The following WDR7 variants were observed in gnomAD, a reference collection of about 807,000 sequenced individuals.
The protein encoded by WDR7 is WD repeat-containing protein 7.
Under a neutral mutation model 169.4 loss-of-function variants are expected in WDR7, and 46 were observed. That is an observed-to-expected ratio of 0.27 (90% CI 0.21 to 0.35). The LOEUF is 0.35. Among genes scored for constraint, WDR7 ranks in the 10% least tolerant of loss-of-function variants. The probability of loss-of-function intolerance (pLI) is 1.00; values close to 1 mark genes in which losing one functional copy is unlikely to be tolerated. For synonymous variants in WDR7, 612 were observed against 666.8 expected (o/e 0.92, Z 1.27); for missense variants, 1,534 against 1,859.3 (o/e 0.83, Z 3.22).
Position 56,705,954 on chromosome 18 carries a change from C to T in WDR7, c.1578+9492C>T, listed in dbSNP as rs575271574. Among the ~76,000 whole-genome samples, 8 of 152,268 alleles carry T rather than the reference C, an allele frequency of 5.3e-5. No homozygotes were observed. In the East Asian group the frequency reaches 5.8e-4, roughly 11 times the overall value. On this transcript the variant is annotated intron_variant, in intron 12 of 27. Coordinates refer to ENST00000254442, the MANE Select transcript of WDR7 (RefSeq NM_015285.3). ...TGGAGGTTGCAGTGAGCTGAGATTG[C>T]GCCACTGTACTCCAGCCTGGGCGAC...
At chr18:56,971,462 A>G (rs1359740776) in intron 26 of WDR7, among the ~76,000 whole-genome samples, 3 of 152,176 alleles carry the variant, frequency 2.0e-5, no homozygotes, top group African/African-American at 7.2e-5. Context: ...GAGATCAAAA[A>G]GTAAATATGA....
At chr18:56,783,122 C>T (rs1469123395) in intron 19 of WDR7, among the ~76,000 whole-genome samples, 1 of 149,268 alleles carries the variant, frequency 6.7e-6, no homozygotes, top group Non-Finnish European at 1.5e-5. Context: ...TTATCATTTG[C>T]TTTCTGGAAA....
In WDR7 at chr18:57,029,061, A is replaced by G. The variant is rs187634918; in HGVS notation, c.*1854A>G. On this transcript the variant is annotated 3_prime_UTR_variant, in exon 28 of 28. Coordinates refer to ENST00000254442, the MANE Select transcript of WDR7 (RefSeq NM_015285.3). Reference sequence around the variant, plus strand: ...CAACATATGTTTACTTTATGAACTTAAATGGAAATTAATTTATTGTAGACT... The same window carrying G: ...CAACATATGTTTACTTTATGAACTTGAATGGAAATTAATTTATTGTAGACT... The G allele has an allele frequency of 1.3e-5, 2 of 152,792 alleles. No homozygotes were observed. The highest frequency in any genetic ancestry group is 1.3e-4 in the Admixed American group (2 of 15,308). The allele number at this position is 152,792 out of a possible 1,614,324, so 9.5% of individuals were successfully genotyped here.
At chr18:56,976,065 C>G (rs1171077218) in intron 26 of WDR7, among the ~76,000 whole-genome samples, 1 of 152,010 alleles carries the variant, frequency 6.6e-6, no homozygotes, top group Non-Finnish European at 1.5e-5. Context: ...GTGTGCTGTC[C>G]ACACCGTTGA....
At chr18:56,734,056 C>A (rs1352605652) in intron 14 of WDR7, among the ~76,000 whole-genome samples, 1 of 152,102 alleles carries the variant, frequency 6.6e-6, no homozygotes. Context: ...TGCATTGCAG[C>A]CTCAAGGCTG....
intron 22 of WDR7, among the ~76,000 whole-genome samples, chr18:56,925,270 A>C (rs1468203721): frequency 6.6e-6 from 1 of 152,178 alleles, no homozygotes; most frequent in Admixed American, 6.6e-5. Context: ...ACCTGTTTTC[A>C]TTTGAGTAGA....
chr18:56,865,330 C>T (rs552523388), intron 20 of WDR7, among the ~76,000 whole-genome samples: 56 of 152,190 alleles, frequency 3.7e-4, no homozygotes, highest in African/African-American at 1.3e-3. Context: ...ACCTTGAATA[C>T]AACAGTGCTG....
chr18:56,721,071 A>C (rs1182927221), intron 13 of WDR7, among the ~76,000 whole-genome samples: 1 of 152,044 alleles, frequency 6.6e-6, no homozygotes, highest in African/African-American at 2.4e-5. Context: ...AAATGAAGCT[A>C]GAAAAAATCA....
At chr18:56,950,215 C>T (rs2047162119) in intron 25 of WDR7, among the ~76,000 whole-genome samples, 1 of 152,164 alleles carries the variant, frequency 6.6e-6, no homozygotes. Flanking sequence ...AATATTGAAA[C>T]AATGTGTACT....
intron 20 of WDR7, among the ~76,000 whole-genome samples, chr18:56,879,110 A>G (rs2046069160): frequency 6.6e-6 from 1 of 152,120 alleles, no homozygotes. Flanking sequence ...TTGTGTGTAC[A>G]TGTGTGTCAT....
intron 16 of WDR7, among the ~76,000 whole-genome samples, chr18:56,775,800 T>C (rs762250469): frequency 2.0e-5 from 3 of 152,186 alleles, no homozygotes; most frequent in Non-Finnish European, 4.4e-5. Context: ...GCTGTTCTGT[T>C]GTCACAAAAG....
At chr18:56,873,847 T>A (rs958485865) in intron 20 of WDR7, 2 of 152,252 alleles carry the variant, frequency 1.3e-5, no homozygotes, top group Non-Finnish European at 2.9e-5. Context: ...CCAGGCTCTC[T>A]GTCTGAGCAC....
At chr18:56,948,034 T>G (rs2047130656) in intron 25 of WDR7, among the ~76,000 whole-genome samples, 2 of 151,878 alleles carry the variant, frequency 1.3e-5, no homozygotes, top group South Asian at 2.1e-4. Context: ...AAATAAAGGA[T>G]TAGGGTTTTT....
chr18:56,696,518 T>C (rs2025707933), intron 12 of WDR7, 56 bp downstream of exon 12: 2 of 1,327,850 alleles, frequency 1.5e-6, no homozygotes, highest in African/African-American at 1.5e-5. Context: ...GTTATATTAC[T>C]ATCAGGAATG....
intron 19 of WDR7, among the ~76,000 whole-genome samples, chr18:56,796,007 A>G (rs2044579137): frequency 6.6e-6 from 1 of 152,368 alleles, no homozygotes; most frequent in Non-Finnish European, 1.5e-5. Flanking sequence ...CGATGACATT[A>G]TAATGAGTTT....
intron 22 of WDR7, among the ~76,000 whole-genome samples, chr18:56,925,097 A>G (rs1250158134): frequency 3.3e-5 from 5 of 152,230 alleles, no homozygotes; most frequent in African/African-American, 7.2e-5. Flanking sequence ...ATGTTGTGGC[A>G]TATCATAGTG....
chr18:56,757,628 A>T (rs1466507216), intron 15 of WDR7, among the ~76,000 whole-genome samples: 1 of 152,072 alleles, frequency 6.6e-6, no homozygotes, highest in African/African-American at 2.4e-5. Flanking sequence ...TGTAAATATA[A>T]TTATAAAATT....
chr18:57,023,215 T>C (rs1446219282), intron 27 of WDR7, among the ~76,000 whole-genome samples: 2 of 152,236 alleles, frequency 1.3e-5, no homozygotes, highest in Non-Finnish European at 2.9e-5. Context: ...CAGTATTAGA[T>C]CTACTGCTGC....
intron 20 of WDR7, among the ~76,000 whole-genome samples, chr18:56,829,721 C>A (rs1003400352): frequency 2.0e-5 from 3 of 152,186 alleles, no homozygotes; most frequent in Admixed American, 2.0e-4. Context: ...GTGAAACTAT[C>A]AACCTTAATT....
Sources: allele counts gnomAD v4.1 joint callset (sites outside exome capture counted in the v4.1 genomes callset), GRCh38; gene constraint gnomAD v4.1.1; transcripts MANE v1.5; gene names NCBI Gene and HGNC (gene_info 2026-07-23, HGNC 2026-07-21).